The following DFFA variants were observed in gnomAD, a reference collection of about 807,000 sequenced individuals.
DFFA encodes DFF45.
DFFA carries 14 observed loss-of-function variants against 28.0 expected under a neutral mutation model. The observed-to-expected ratio is 0.50, with a 90% CI of 0.33 to 0.78. The LOEUF (loss-of-function observed/expected upper bound fraction) is 0.78, where lower values mean the gene tolerates loss of function less well. Ranked by LOEUF, DFFA falls within the 30% of genes least tolerant of loss-of-function variation. The probability of loss-of-function intolerance (pLI) is 0.02; values close to 1 mark genes in which losing one functional copy is unlikely to be tolerated. For synonymous variants in DFFA, 158 were observed against 170.3 expected, an observed-to-expected ratio of 0.93 and a Z score of 0.56; for missense variants, 395 against 407.1, an observed-to-expected ratio of 0.97 and a Z score of 0.26.
chr1:10,463,557 G>A lies in DFFA; in HGVS notation c.505C>T (p.Gln169Ter), dbSNP rs1640980448. ...QELRQSCATV[Q>*]RLQHTLQQVL... ...TGTTGGAGTGTGTGCTGCAGCCGCT[G>A]GACGGTGGCACAACTCTGACGTAGT... Residue 169 changes from glutamine (Q) to a stop codon, truncating the protein, a stop_gained, in exon 4 of 6, where the codon CAG becomes TAG. Coordinates refer to ENST00000377038, the MANE Select transcript of DFFA (RefSeq NM_004401.3). LOFTEE classifies it high-confidence loss of function. 2.5e-6 allele frequency: 4 copies of A among 1,614,106 alleles called. No individual in the cohort carries two copies. Among genetic ancestry groups the A allele is most frequent in the South Asian group, 1.1e-5 (1 of 91,084 alleles).
chr1:10,464,814 T>G (rs1641000156), intron 3 of DFFA, among the ~76,000 whole-genome samples: 1 of 152,226 alleles, frequency 6.6e-6, no homozygotes, highest in South Asian at 2.1e-4. Flanking sequence ...ACTCTCTGCA[T>G]ACCACTGTCT....
Position 10,469,228 on chromosome 1 carries a change from T to C in DFFA, c.247A>G (p.Thr83Ala). The C allele has an allele frequency of 6.2e-7, 1 of 1,614,170 alleles. No individual in the cohort carries two copies. The highest frequency in any genetic ancestry group is 8.5e-7 in the Non-Finnish European group (1 of 1,180,006). The change falls in exon 2 of 6, where the codon ACT (threonine) becomes GCT (alanine). Residue 83 changes from threonine to alanine, a missense_variant. Physicochemically the swap from Thr to Ala is moderately conservative, Grantham distance 58. Coordinates refer to ENST00000377038, the MANE Select transcript of DFFA (RefSeq NM_004401.3). The stretch of plus-strand genomic sequence containing the variant: ...TTACTAGCCAATGCCACAAACTTAG[T>C]ATTGGAAGGTAGACACAGAAAGTAA... ...DDYFLCLPSN[T>A]KFVALASNEK... is the part of the protein sequence containing the mutation.
chr1:10,464,942 C>T (rs1252970143), intron 3 of DFFA, among the ~76,000 whole-genome samples: 2 of 152,070 alleles, frequency 1.3e-5, no homozygotes, highest in African/African-American at 4.8e-5. Flanking sequence ...ATGACAGGCA[C>T]AGGATGGGGC....
chr1:10,469,382 G>T, intron 1 of DFFA, 44 bp from the exon 2 acceptor site: 1 of 1,584,370 alleles, frequency 6.3e-7, no homozygotes, highest in South Asian at 1.1e-5. Context: ...TAACCGTAAG[G>T]AAATTACATC....
intron 1 of DFFA, among the ~76,000 whole-genome samples, chr1:10,469,713 G>A (rs2124348436): frequency 6.6e-6 from 1 of 152,170 alleles, no homozygotes; most frequent in South Asian, 2.1e-4. Context: ...TAGAGACGTG[G>A]TTTCACCATG....
chr1:10,468,820 C>G (rs1437079621), intron 2 of DFFA, among the ~76,000 whole-genome samples: 2 of 151,760 alleles, frequency 1.3e-5, no homozygotes, highest in Non-Finnish European at 2.9e-5. Flanking sequence ...CTCACTGCAA[C>G]CTCCACCTCC....
At position 10,461,397 on chromosome 1, in the gene DFFA, T is replaced by C. The variant is rs1570100350; in HGVS notation, c.*93A>G. 6.7e-7 allele frequency: 1 copy of C among 1,488,152 alleles called. No individual in the cohort carries two copies. The highest frequency in any genetic ancestry group is 2.5e-5 in the East Asian group (1 of 40,324). 92.2% of individuals were successfully genotyped at this position (1,488,152 alleles called of 1,614,324 possible). A position where few individuals can be genotyped will look rare whatever the true frequency, so the allele number is the denominator to read the frequency against. On this transcript the variant is annotated 3_prime_UTR_variant, in exon 6 of 6. Coordinates refer to ENST00000377038, the MANE Select transcript of DFFA (RefSeq NM_004401.3). ...CTGGAAGGTGCTCTAAGGCAGGGGG[T>C]AGAGTAGTACATAGGTAGTCAAATG...
intron 3 of DFFA, among the ~76,000 whole-genome samples, chr1:10,464,402 A>C (rs988935882): frequency 3.9e-5 from 6 of 151,962 alleles, no homozygotes; most frequent in Non-Finnish European, 7.4e-5. Flanking sequence ...AATTTTTCTA[A>C]TTTTCTTTTA....
intron 1 of DFFA, among the ~76,000 whole-genome samples, 162 bp from the exon 2 acceptor site, chr1:10,469,500 G>A (rs753599687): frequency 2.0e-5 from 3 of 152,042 alleles, no homozygotes; most frequent in Admixed American, 6.6e-5. Flanking sequence ...CACTCATCAC[G>A]TGCCTGATTC....
In DFFA at chr1:10,463,224, C is replaced by A. The variant is rs189423719; in HGVS notation, c.632-15G>T. The A allele has an allele frequency of 6.2e-7, 1 of 1,611,736 alleles. No homozygotes were observed. The highest frequency in any genetic ancestry group is 1.3e-5 in the African/African-American group (1 of 75,032). ...AGCTTTGGACTCTGCAAAGGAGACA[C>A]GAGACAGAGATCAGACGTGGTGTGA... On this transcript the variant is annotated splice_polypyrimidine_tract_variant and intron_variant, in intron 4 of 5. Transcript: ENST00000377038.
At chr1:10,465,928 A>C (rs890279682) in intron 3 of DFFA, among the ~76,000 whole-genome samples, 1 of 151,916 alleles carries the variant, frequency 6.6e-6, no homozygotes, top group Non-Finnish European at 1.5e-5. Context: ...TTGGCCTCCC[A>C]AAATGCTAGG....
In DFFA at chr1:10,466,330, C is replaced by T. The variant is rs567266683; in HGVS notation, c.441+860G>A. 2.0e-5 allele frequency among the ~76,000 whole-genome samples: 3 copies of T among 152,228 alleles called. No homozygotes were observed. The East Asian group carries it at 5.8e-4, about 29-fold the overall frequency. On this transcript the variant is annotated intron_variant, in intron 3 of 5. Coordinates refer to ENST00000377038, the MANE Select transcript of DFFA (RefSeq NM_004401.3). ...TCCCGAGTAGCTGGGACTACAGGTACAGGTGCACACCACCAGGCCCGGCTA... is the reference window on the plus strand; with the variant it reads ...TCCCGAGTAGCTGGGACTACAGGTATAGGTGCACACCACCAGGCCCGGCTA...
chr1:10,463,283 C>G (rs1233283084), intron 4 of DFFA, 74 bp from the exon 5 acceptor site: 7 of 1,581,772 alleles, frequency 4.4e-6, no homozygotes, highest in Non-Finnish European at 6.0e-6. Flanking sequence ...GCCAGAATAA[C>G]TGGCCGGGCA....
rs1640866137 is a variant in DFFA, at chr1:10,456,634, C to T, written c.*4856G>A. On this transcript the variant is annotated 3_prime_UTR_variant, in exon 6 of 6. Coordinates refer to ENST00000377038, the MANE Select transcript of DFFA (RefSeq NM_004401.3). ...CAGACTACTATTATTTTATTCTTGTCTCTCTGGAAAATGAAAAATCCATTA... is the reference window on the plus strand; with the variant it reads ...CAGACTACTATTATTTTATTCTTGTTTCTCTGGAAAATGAAAAATCCATTA... The T allele has an allele frequency of 6.6e-6, 1 of 151,660 alleles. No individual in the cohort carries two copies. The highest frequency in any genetic ancestry group is 2.4e-5 in the African/African-American group (1 of 41,252). The allele number at this position is 151,660 out of a possible 1,614,324, so 9.4% of individuals were successfully genotyped here.
At chr1:10,462,075 G>A (rs1384065529) in intron 5 of DFFA, among the ~76,000 whole-genome samples, 10 of 152,166 alleles carry the variant, frequency 6.6e-5, no homozygotes, top group African/African-American at 2.4e-4. Flanking sequence ...CGCCAGGATG[G>A]TCTCGATCTC....
chr1:10,468,770 G>A (rs994139898), intron 2 of DFFA, among the ~76,000 whole-genome samples: 25 of 149,364 alleles, frequency 1.7e-4, no homozygotes, highest in Non-Finnish European at 3.1e-4. Context: ...ACAGAGTCTC[G>A]TTCTGTCGCC....
At position 10,457,011 on chromosome 1, in the gene DFFA, CTT is replaced by C. The variant is rs1264986694; in HGVS notation, c.*4477_*4478del. The C allele has an allele frequency of 1.3e-5, 2 of 152,212 alleles. No individual in the cohort carries two copies. Among genetic ancestry groups the C allele is most frequent in the Non-Finnish European group, 2.9e-5 (2 of 68,050 alleles). 9.4% of individuals were successfully genotyped at this position (152,212 alleles called of 1,614,324 possible). A position where few individuals can be genotyped will look rare whatever the true frequency, so the allele number is the denominator to read the frequency against. ...ACACATCTGGGATAGAGCTCTGACTCTTTGATAGAGGACTCCAGCACCCCATC... is the reference window on the plus strand; with the variant it reads ...ACACATCTGGGATAGAGCTCTGACTCTGATAGAGGACTCCAGCACCCCATC... On this transcript the variant is annotated 3_prime_UTR_variant, in exon 6 of 6. Transcript: ENST00000377038.
intron 1 of DFFA, among the ~76,000 whole-genome samples, chr1:10,470,889 C>A (rs1242237037): frequency 6.7e-6 from 1 of 150,078 alleles, no homozygotes; most frequent in African/African-American, 2.4e-5. Context: ...GGTGAAAAAC[C>A]GTCTCTGCTA....
rs770774428 is a variant in DFFA, at chr1:10,461,134, T to G, written c.*356A>C. The G allele has an allele frequency of 1.1e-5, 2 of 190,394 alleles. No homozygotes were observed. Among genetic ancestry groups the G allele is most frequent in the East Asian group, 2.5e-4 (2 of 8,020 alleles). 11.8% of individuals were successfully genotyped at this position (190,394 alleles called of 1,614,324 possible). ...ACCATGTTAGCCAGGATGGTCTCGA[T>G]CTCCTGACTTCACGATCCGCCCCCC... On this transcript the variant is annotated 3_prime_UTR_variant, in exon 6 of 6. Coordinates refer to ENST00000377038, the MANE Select transcript of DFFA (RefSeq NM_004401.3).
Sources: gnomAD v4.1 joint callset for allele counts (sites outside exome capture counted in the v4.1 genomes callset) on GRCh38, gnomAD v4.1.1 for gene constraint, MANE v1.5 for transcripts, NCBI Gene and HGNC (gene_info 2026-07-23, HGNC 2026-07-21) for gene names.